SLC16A9: variants seen among roughly 807,000 people sequenced by gnomAD.
SLC16A9 encodes monocarboxylate transporter 9.
In SLC16A9, 26 loss-of-function variants were observed where a neutral mutation model predicts 44.3. That is an observed-to-expected ratio of 0.59 (90% CI 0.43 to 0.81). The LOEUF (loss-of-function observed/expected upper bound fraction) is 0.81, where lower values mean the gene tolerates loss of function less well. SLC16A9 is among the 40% of genes least tolerant of loss of function. The pLI is 0.00. For missense variants in SLC16A9, 559 were observed against 595.8 expected, an observed-to-expected ratio of 0.94 and a Z score of 0.64; for synonymous variants, 230 against 225.1, an observed-to-expected ratio of 1.02 and a Z score of -0.19.
At chr10:59,653,551 T>C in intron 5 of SLC16A9, 124 bp downstream of exon 5, 1 of 720,308 alleles carries the variant, frequency 1.4e-6, no homozygotes, top group Non-Finnish European at 2.2e-6. Context: ...ATCATTACCA[T>C]GAGATGTTCC....
At chr10:59,653,092 T>C in intron 5 of SLC16A9, 142 bp from the exon 6 acceptor site, 1 of 581,010 alleles carries the variant, frequency 1.7e-6, no homozygotes, top group Non-Finnish European at 2.7e-6. Context: ...TACTGGGAGT[T>C]AGAAGAAGAG....
chr10:59,672,733 T>G (rs1839778209), intron 3 of SLC16A9, 37 bp downstream of exon 3: 3 of 1,590,080 alleles, frequency 1.9e-6, no homozygotes, highest in South Asian at 1.1e-5. Flanking sequence ...GTGTATCTCT[T>G]GAAGGTTAGG....
intron 5 of SLC16A9, among the ~76,000 whole-genome samples, chr10:59,653,425 CAAAAAA>C (rs562805430): frequency 0.14 from 4,986 of 36,932 alleles, 631 homozygotes; most frequent in African/African-American, 0.28. Flanking sequence ...AACTCCGTCT[CAAAAAA>C]AAAAAAAAAA....
At chr10:59,663,339 C>G (rs1033399976) in intron 4 of SLC16A9, among the ~76,000 whole-genome samples, 1 of 151,672 alleles carries the variant, frequency 6.6e-6, no homozygotes, top group Middle Eastern at 3.4e-3. Flanking sequence ...CCAGCCTGGG[C>G]AACAAGAGCG....
rs61735880 is a variant in SLC16A9, at chr10:59,709,791, G to A, written c.-349C>T. 6,543 of 152,930 alleles carry A rather than the reference G, an allele frequency of 0.043. 187 individuals carry two copies. Among genetic ancestry groups the A allele is most frequent in the East Asian group, 0.07 (365 of 5,182 alleles). 9.5% of individuals were successfully genotyped at this position (152,930 alleles called of 1,614,324 possible). A position where few individuals can be genotyped will look rare whatever the true frequency, so the allele number is the denominator to read the frequency against. ...CTTCTCTTTCGCCTTCTCCTCCCCGGGGTTTTCCCTGCTGTCTTTTTCTCC... is the reference window on the plus strand; with the variant it reads ...CTTCTCTTTCGCCTTCTCCTCCCCGAGGTTTTCCCTGCTGTCTTTTTCTCC... On this transcript the variant is annotated 5_prime_UTR_variant, in exon 1 of 6. Coordinates refer to ENST00000395348, the MANE Select transcript of SLC16A9 (RefSeq NM_194298.3).
In SLC16A9 at chr10:59,691,041, C is replaced by T. The variant is rs7100089; in HGVS notation, c.-36-6714G>A. Among the ~76,000 whole-genome samples, 623 of 152,266 alleles carry T rather than the reference C, an allele frequency of 4.1e-3. 5 individuals carry two copies. Among genetic ancestry groups the T allele is most frequent in the African/African-American group, 0.014 (572 of 41,552 alleles). On this transcript the variant is annotated intron_variant, in intron 1 of 5. Coordinates refer to ENST00000395348, the MANE Select transcript of SLC16A9 (RefSeq NM_194298.3). ...CAGAGGTTGCAGTGAGCTGAGATCA[C>T]GCCACTGCACTCCAGCCTAGGTGAC...
chr10:59,685,245 G>A (rs1840106137), intron 1 of SLC16A9, among the ~76,000 whole-genome samples: 1 of 151,990 alleles, frequency 6.6e-6, no homozygotes, highest in African/African-American at 2.4e-5. Flanking sequence ...TAAGTACATA[G>A]GATGTATACA....
intron 1 of SLC16A9, among the ~76,000 whole-genome samples, chr10:59,707,039 G>T (rs1840654907): frequency 6.6e-6 from 1 of 150,440 alleles, no homozygotes; most frequent in African/African-American, 2.4e-5. Context: ...GGGCACAGTG[G>T]CTCATGCCTG....
intron 4 of SLC16A9, 120 bp downstream of exon 4, chr10:59,664,103 AAATT>A: frequency 2.3e-6 from 1 of 427,818 alleles, no homozygotes; most frequent in Non-Finnish European, 4.1e-6. Context: ...AGAAGTAAAG[AAATT>A]ATTTTGCTAC....
At position 59,651,570 on chromosome 10, in the gene SLC16A9, A is replaced by G. The variant is rs1839198887; in HGVS notation, c.*1202T>C. On this transcript the variant is annotated 3_prime_UTR_variant, in exon 6 of 6. Transcript: ENST00000395348. ...GTGATACCCAGGTACCTATATTTTC[A>G]AAAAGATCTATAGGGAATTCTGATG... 6.6e-6 allele frequency: 1 copy of G among 152,208 alleles called. No homozygotes were observed. Among genetic ancestry groups the G allele is most frequent in the Non-Finnish European group, 1.5e-5 (1 of 68,040 alleles). The allele number at this position is 152,208 out of a possible 1,614,324, so 9.4% of individuals were successfully genotyped here. A position where few individuals can be genotyped will look rare whatever the true frequency, so the allele number is the denominator to read the frequency against.
At chr10:59,659,638 G>A (rs1839427823) in intron 4 of SLC16A9, among the ~76,000 whole-genome samples, 1 of 151,948 alleles carries the variant, frequency 6.6e-6, no homozygotes, top group African/African-American at 2.4e-5. Context: ...CTCAGCTCTG[G>A]ACCAAGCACA....
chr10:59,698,476 T>C (rs1013703110), intron 1 of SLC16A9, among the ~76,000 whole-genome samples: 1 of 152,198 alleles, frequency 6.6e-6, no homozygotes, highest in Non-Finnish European at 1.5e-5. Flanking sequence ...TTCACCCTTA[T>C]GGCTCCAGAA....
intron 1 of SLC16A9, among the ~76,000 whole-genome samples, chr10:59,690,791 CA>C (rs950943588): frequency 1.1e-4 from 16 of 143,150 alleles, no homozygotes; most frequent in South Asian, 2.2e-4. Context: ...ATTTTTTTTC[CA>C]AAAAAAAAAG....
chr10:59,655,858 A>G (rs1839338981), intron 4 of SLC16A9, among the ~76,000 whole-genome samples: 1 of 152,240 alleles, frequency 6.6e-6, no homozygotes. Context: ...CAATAGGACC[A>G]AGCTCAGAGG....
Position 59,653,826 on chromosome 10 carries a change from C to G in SLC16A9, c.1200G>C (p.Leu400Phe). ...TAAGAAACCCTAGGATCCCAGAAAG[C>G]AACGCCAATGTGACATAGCTTTTGG... is the stretch of plus-strand genomic sequence containing the variant. Reference protein sequence around the residue: ...PFAKSYVTLALLSGILGFLTG... With the variant: ...PFAKSYVTLAFLSGILGFLTG... Residue 400 changes from leucine to phenylalanine, a missense_variant, in exon 5 of 6, where the codon TTG becomes TTC. By Grantham distance (22) the Leu-to-Phe change is conservative (BLOSUM62 0). Transcript: ENST00000395348. 2 of 1,614,128 alleles carry G rather than the reference C, an allele frequency of 1.2e-6. No homozygotes were observed. Among genetic ancestry groups the G allele is most frequent in the Non-Finnish European group, 1.7e-6 (2 of 1,180,030 alleles).
intron 3 of SLC16A9, 33 bp downstream of exon 3, chr10:59,672,737 G>A: frequency 6.3e-7 from 1 of 1,596,362 alleles, no homozygotes; most frequent in Non-Finnish European, 8.5e-7. Context: ...ATCTCTTGAA[G>A]GTTAGGAAAG....
chr10:59,700,552 G>A (rs1840499844), intron 1 of SLC16A9, among the ~76,000 whole-genome samples: 1 of 152,204 alleles, frequency 6.6e-6, no homozygotes, highest in Admixed American at 6.5e-5. Context: ...AACCATCCAA[G>A]CATATGCTAA....
chr10:59,680,738 T>C (rs1047635036), intron 2 of SLC16A9, among the ~76,000 whole-genome samples: 10 of 151,928 alleles, frequency 6.6e-5, no homozygotes, highest in Admixed American at 4.6e-4. Flanking sequence ...CCCAACACTT[T>C]GGGAGGCTGA....
rs556245685 is a variant in SLC16A9 at position 59,651,469 on chromosome 10, G to A, written c.*1303C>T. The A allele has an allele frequency of 1.7e-4, 26 of 152,056 alleles. No individual in the cohort carries two copies. The highest frequency in any genetic ancestry group is 2.6e-4 in the Non-Finnish European group (18 of 68,022). The allele number at this position is 152,056 out of a possible 1,614,324, so 9.4% of individuals were successfully genotyped here. On this transcript the variant is annotated 3_prime_UTR_variant, in exon 6 of 6. Transcript: ENST00000395348. ...ATTCTCAATCCAGGCTGTGTTATCAGAATCACTTGAAGAGCTCAGTAAAAT... is the reference window on the plus strand; with the variant it reads ...ATTCTCAATCCAGGCTGTGTTATCAAAATCACTTGAAGAGCTCAGTAAAAT...
Sources: allele counts gnomAD v4.1 joint callset (sites outside exome capture counted in the v4.1 genomes callset), GRCh38; gene constraint gnomAD v4.1.1; transcripts MANE v1.5; gene names NCBI Gene and HGNC (gene_info 2026-07-23, HGNC 2026-07-21).